The following FAM184B variants were observed in gnomAD, a reference collection of about 807,000 sequenced individuals.
FAM184B encodes protein FAM184B.
In FAM184B, 111 loss-of-function variants were observed where a neutral mutation model predicts 135.9. The observed-to-expected ratio is 0.82, with a 90% CI of 0.70 to 0.96. FAM184B has a LOEUF of 0.96. Among genes scored for constraint, FAM184B ranks in the 40% least tolerant of loss-of-function variants. The pLI is 0.00. For missense variants in FAM184B, 1,375 were observed against 1,323.9 expected, an observed-to-expected ratio of 1.04 and a Z score of -0.60; for synonymous variants, 552 against 524.8, an observed-to-expected ratio of 1.05 and a Z score of -0.71.
Position 17,657,817 on chromosome 4 carries a change from G to A in FAM184B, c.2037+533C>T, listed in dbSNP as rs1307719417. Among the ~76,000 whole-genome samples the A allele has an allele frequency of 2.0e-5, 3 of 151,688 alleles. No homozygotes were observed. In the East Asian group the frequency reaches 5.8e-4, roughly 29 times the overall value. On this transcript the variant is annotated intron_variant, in intron 10 of 17. Coordinates refer to ENST00000265018, the MANE Select transcript of FAM184B (RefSeq NM_015688.2). ...GATTACAGGCACCTGCCACCACGCC[G>A]AGTTAATTTTTGTATTTTTAGTAGA...
chr4:17,656,207 AAGC>A (rs916819544), intron 10 of FAM184B, among the ~76,000 whole-genome samples: 3 of 152,134 alleles, frequency 2.0e-5, no homozygotes, highest in Admixed American at 6.5e-5. Flanking sequence ...TGAAGGAATA[AAGC>A]TCAGGGATAC....
At chr4:17,777,030 C>T (rs1303530498) in intron 1 of FAM184B, among the ~76,000 whole-genome samples, 1 of 152,082 alleles carries the variant, frequency 6.6e-6, no homozygotes, top group African/African-American at 2.4e-5. Flanking sequence ...GGTATCTACC[C>T]AAGAACACAT....
intron 1 of FAM184B, among the ~76,000 whole-genome samples, chr4:17,749,022 CA>C (rs1237053621): frequency 7.1e-6 from 1 of 140,744 alleles, no homozygotes; most frequent in African/African-American, 2.7e-5. Flanking sequence ...TTTTAAGAGA[CA>C]GGGGCTCGCT....
At chr4:17,728,829 A>C (rs1474795612) in intron 1 of FAM184B, among the ~76,000 whole-genome samples, 1 of 152,188 alleles carries the variant, frequency 6.6e-6, no homozygotes, top group East Asian at 1.9e-4. Context: ...AGCGACACAG[A>C]AGACAGGTGA....
intron 15 of FAM184B, 49 bp downstream of exon 15, chr4:17,636,479 C>T (rs756490582): frequency 1.1e-5 from 16 of 1,431,708 alleles, no homozygotes; most frequent in Admixed American, 2.0e-5. Flanking sequence ...CGGGGGAGCC[C>T]GCAGTGCCCG....
intron 5 of FAM184B, among the ~76,000 whole-genome samples, chr4:17,702,877 T>C (rs1216955438): frequency 6.6e-6 from 1 of 151,936 alleles, no homozygotes; most frequent in African/African-American, 2.4e-5. Context: ...GTCCATCTGT[T>C]TGTCTGAGGA....
intron 7 of FAM184B, among the ~76,000 whole-genome samples, chr4:17,678,633 C>T (rs10939745): frequency 0.53 from 80,365 of 151,876 alleles, 23,429 homozygotes; most frequent in East Asian, 0.82. Context: ...AATGCAATTC[C>T]CATCAAAATA....
chr4:17,775,758 T>C (rs1242694086), intron 1 of FAM184B, among the ~76,000 whole-genome samples: 2 of 152,178 alleles, frequency 1.3e-5, no homozygotes, highest in African/African-American at 4.8e-5. Flanking sequence ...GAAAGTCAAA[T>C]ATCACATGTT....
intron 1 of FAM184B, among the ~76,000 whole-genome samples, chr4:17,743,782 C>T (rs1305490232): frequency 6.6e-6 from 1 of 152,230 alleles, no homozygotes; most frequent in Non-Finnish European, 1.5e-5. Context: ...TCAGGTCTTA[C>T]CCAAGTGTAT....
chr4:17,761,854 A>G (rs1560195354), intron 1 of FAM184B, among the ~76,000 whole-genome samples: 1 of 151,850 alleles, frequency 6.6e-6, no homozygotes, highest in Non-Finnish European at 1.5e-5. Flanking sequence ...GCCTCAACCC[A>G]CCTTACCTCT....
At chr4:17,728,916 A>G (rs1717704440) in intron 1 of FAM184B, among the ~76,000 whole-genome samples, 1 of 152,170 alleles carries the variant, frequency 6.6e-6, no homozygotes, top group African/African-American at 2.4e-5. Flanking sequence ...CAGTGGGTAC[A>G]GTGCACCATG....
intron 1 of FAM184B, among the ~76,000 whole-genome samples, chr4:17,721,383 CA>C (rs61539641): frequency 0.32 from 15,241 of 46,930 alleles, 1,699 homozygotes; most frequent in Middle Eastern, 0.5. Flanking sequence ...GATTCTGTCT[CA>C]AAAAAAAAAA....
chr4:17,725,703 G>A (rs1212101848), intron 1 of FAM184B, among the ~76,000 whole-genome samples: 1 of 152,138 alleles, frequency 6.6e-6, no homozygotes, highest in Non-Finnish European at 1.5e-5. Context: ...CAGTCATATA[G>A]CGTCTGTCAG....
chr4:17,743,160 C>T (rs1473851264), intron 1 of FAM184B, among the ~76,000 whole-genome samples: 6 of 152,214 alleles, frequency 3.9e-5, no homozygotes, highest in Admixed American at 6.5e-5. Flanking sequence ...TATCCTGTCT[C>T]ATCGAGACCC....
intron 7 of FAM184B, among the ~76,000 whole-genome samples, chr4:17,672,045 T>G (rs1286075427): frequency 6.6e-6 from 1 of 151,974 alleles, no homozygotes; most frequent in African/African-American, 2.4e-5. Flanking sequence ...AGCATGCAGA[T>G]CCAAGAAGCC....
chr4:17,634,410 G>A (rs973824506), intron 16 of FAM184B, among the ~76,000 whole-genome samples: 1 of 152,106 alleles, frequency 6.6e-6, no homozygotes, highest in Non-Finnish European at 1.5e-5. Flanking sequence ...TGCAACCTCC[G>A]CCTCCTGGGT....
At chr4:17,755,802 G>A (rs1004016117) in intron 1 of FAM184B, among the ~76,000 whole-genome samples, 43 of 152,140 alleles carry the variant, frequency 2.8e-4, no homozygotes, top group African/African-American at 9.4e-4. Flanking sequence ...GCAAACTAAC[G>A]CAGGAACAGA....
At chr4:17,643,613 G>C (rs73800322) in intron 12 of FAM184B, among the ~76,000 whole-genome samples, 1 of 152,108 alleles carries the variant, frequency 6.6e-6, no homozygotes, top group African/African-American at 2.4e-5. Flanking sequence ...AATGGAACAC[G>C]TTCTGTCTTC....
chr4:17,744,476 CACACACACACACACCA>C (rs1271817354), intron 1 of FAM184B, among the ~76,000 whole-genome samples: 14 of 144,288 alleles, frequency 9.7e-5, no homozygotes, highest in Middle Eastern at 7.1e-3. Flanking sequence ...CACACACACA[CACACACACACACACCA>C]CACACACACA....
Sources: gnomAD v4.1 joint callset for allele counts (sites outside exome capture counted in the v4.1 genomes callset) on GRCh38, gnomAD v4.1.1 for gene constraint, MANE v1.5 for transcripts, NCBI Gene and HGNC (gene_info 2026-07-23, HGNC 2026-07-21) for gene names.